The following BBS9 variants were observed in gnomAD, a reference collection of about 807,000 sequenced individuals.
The protein encoded by BBS9 is protein PTHB1.
Under a neutral mutation model 117.7 loss-of-function variants are expected in BBS9, and 89 were observed. The ratio of observed to expected loss-of-function variants is 0.76; its 90% CI spans 0.64 to 0.90. The LOEUF is 0.90. Among genes scored for constraint, BBS9 ranks in the 40% least tolerant of loss-of-function variants. The probability of loss-of-function intolerance (pLI) is 0.00; values close to 1 mark genes in which losing one functional copy is unlikely to be tolerated. For missense variants in BBS9, 982 were observed against 1,042.2 expected, an observed-to-expected ratio of 0.94 and a Z score of 0.80; for synonymous variants, 379 against 370.9, an observed-to-expected ratio of 1.02 and a Z score of -0.25.
intron 7 of BBS9, among the ~76,000 whole-genome samples, chr7:33,271,096 A>G (rs937159448): frequency 6.6e-5 from 10 of 152,212 alleles, no homozygotes; most frequent in Non-Finnish European, 1.3e-4. Context: ...CAAGAATGTC[A>G]TATCCAGCCA....
rs527998308 is a variant in BBS9 at position 33,334,008 on chromosome 7, G to C, written c.1017-2433G>C. Among the ~76,000 whole-genome samples the C allele has an allele frequency of 2.0e-5, 3 of 152,212 alleles. No homozygotes were observed. The South Asian group carries it at 6.2e-4, about 32-fold the overall frequency. ...ACATTCTGGTGAAATTTGTTCTTTT[G>C]GTGAGGGAAGACCCTGGCTACTCTC... On this transcript the variant is annotated intron_variant, in intron 9 of 22. Coordinates refer to ENST00000242067, the MANE Select transcript of BBS9 (RefSeq NM_198428.3).
Position 33,603,140 on chromosome 7 carries a change from T to C in BBS9, c.2522-1725T>C, listed in dbSNP as rs145782791. On this transcript the variant is annotated intron_variant, in intron 21 of 22. Coordinates refer to ENST00000242067, the MANE Select transcript of BBS9 (RefSeq NM_198428.3). ...TCTCATCTGTTGGCTGGGGGACGTCTCTTCCTTGCTCCTGAAGTTGTCTTG... is the reference window on the plus strand; with the variant it reads ...TCTCATCTGTTGGCTGGGGGACGTCCCTTCCTTGCTCCTGAAGTTGTCTTG... Among the ~76,000 whole-genome samples the C allele has an allele frequency of 2.3e-3, 349 of 152,282 alleles. 2 individuals are homozygous for C. Among genetic ancestry groups the C allele is most frequent in the African/African-American group, 7.6e-3 (315 of 41,564 alleles).
chr7:33,607,609 G>T (rs970515295), downstream of BBS9, among the ~76,000 whole-genome samples: 8 of 151,866 alleles, frequency 5.3e-5, no homozygotes, highest in Admixed American at 2.6e-4. Flanking sequence ...TAACAATTCT[G>T]CATTTTCTTG....
chr7:33,360,006 A>C (rs1820330031), intron 16 of BBS9, among the ~76,000 whole-genome samples: 1 of 152,212 alleles, frequency 6.6e-6, no homozygotes, highest in South Asian at 2.1e-4. Context: ...ATTTATCCCC[A>C]AAAAGAATTT....
At chr7:33,602,353 C>T (rs1863925020) in intron 21 of BBS9, among the ~76,000 whole-genome samples, 1 of 152,216 alleles carries the variant, frequency 6.6e-6, no homozygotes, top group South Asian at 2.1e-4. Context: ...CCAGAGCCCA[C>T]CAACATTGTT....
At chr7:33,516,738 T>C (rs1310712016) in intron 20 of BBS9, among the ~76,000 whole-genome samples, 1 of 152,154 alleles carries the variant, frequency 6.6e-6, no homozygotes, top group African/African-American at 2.4e-5. Context: ...GAGAAAGCCA[T>C]GTATAAACAG....
At chr7:33,350,504 C>T (rs1308967540) in intron 13 of BBS9, among the ~76,000 whole-genome samples, 2 of 152,188 alleles carry the variant, frequency 1.3e-5, no homozygotes, top group Non-Finnish European at 2.9e-5. Flanking sequence ...CACGCACAAT[C>T]TGTTAAGTGG....
At chr7:33,287,845 A>G (rs994094786) in intron 9 of BBS9, among the ~76,000 whole-genome samples, 9 of 152,156 alleles carry the variant, frequency 5.9e-5, no homozygotes, top group African/African-American at 2.2e-4. Flanking sequence ...GAGAGAGGAG[A>G]AAGGAAGAAA....
At chr7:33,589,032 C>T (rs537633623) in intron 21 of BBS9, among the ~76,000 whole-genome samples, 94 of 152,162 alleles carry the variant, frequency 6.2e-4, no homozygotes, top group African/African-American at 1.9e-3. Flanking sequence ...AAAACGATCA[C>T]GGGTTACTCT....
chr7:33,592,068 A>T lies in BBS9; in HGVS notation c.2522-12797A>T, dbSNP rs2129180613. 2.0e-5 allele frequency among the ~76,000 whole-genome samples: 3 copies of T among 152,220 alleles called. No homozygotes were observed. In the South Asian group the frequency reaches 6.2e-4, roughly 32 times the overall value. The stretch of plus-strand genomic sequence containing the variant: ...CACTGAGTTCAGCTATGAACATTCC[A>T]CCACTGGTCTACTTACTCCATCCTC... On this transcript the variant is annotated intron_variant, in intron 21 of 22. Coordinates refer to ENST00000242067, the MANE Select transcript of BBS9 (RefSeq NM_198428.3).
intron 1 of BBS9, among the ~76,000 whole-genome samples, chr7:33,134,888 ACCTGGC>A (rs1341940185): frequency 1.3e-5 from 2 of 152,080 alleles, no homozygotes; most frequent in African/African-American, 4.8e-5. Context: ...CAGCCACTGC[ACCTGGC>A]TTTATTTATT....
intron 7 of BBS9, among the ~76,000 whole-genome samples, chr7:33,265,820 G>C (rs1188632850): frequency 1.3e-5 from 2 of 152,046 alleles, no homozygotes; most frequent in African/African-American, 2.4e-5. Flanking sequence ...TCTAGCCTGG[G>C]TGACAGAGCA....
At position 33,545,413 on chromosome 7, in the gene BBS9, G is replaced by C. The variant is rs1034756830; in HGVS notation, c.2521+11237G>C. On this transcript the variant is annotated intron_variant, in intron 21 of 22. Transcript: ENST00000242067. ...CTTCCTCTATCCCTGTATTTTGCTTGGCTCTCTAACTTGACTCAGCTTTAA... is the reference window on the plus strand; with the variant it reads ...CTTCCTCTATCCCTGTATTTTGCTTCGCTCTCTAACTTGACTCAGCTTTAA... Among the ~76,000 whole-genome samples the C allele has an allele frequency of 2.0e-5, 3 of 152,050 alleles. No individual in the cohort carries two copies. In the East Asian group the frequency reaches 5.8e-4, roughly 29 times the overall value.
At chr7:33,568,813 T>C (rs914198112) in intron 21 of BBS9, among the ~76,000 whole-genome samples, 6 of 152,170 alleles carry the variant, frequency 3.9e-5, no homozygotes, top group East Asian at 1.9e-4. Context: ...AAAATATATG[T>C]GTATGTATTT....
chr7:33,415,140 A>G (rs1190215298), intron 19 of BBS9, among the ~76,000 whole-genome samples: 2 of 152,118 alleles, frequency 1.3e-5, no homozygotes, highest in Non-Finnish European at 2.9e-5. Context: ...GGGTAGGAGG[A>G]AAGGATGCAA....
intron 16 of BBS9, among the ~76,000 whole-genome samples, chr7:33,358,355 ATATT>A (rs1485816359): frequency 4.6e-5 from 7 of 151,776 alleles, no homozygotes; most frequent in African/African-American, 1.5e-4. Context: ...AAGTGTATAA[ATATT>A]TATTATTTTC....
chr7:33,525,245 CT>C, intron 20 of BBS9, among the ~76,000 whole-genome samples: 1 of 147,912 alleles, frequency 6.8e-6, no homozygotes, highest in East Asian at 2.0e-4. Flanking sequence ...GTGGAGAGTT[CT>C]GTAGATGTCT....
chr7:33,433,797 A>G (rs576112123), intron 19 of BBS9, among the ~76,000 whole-genome samples: 1 of 152,212 alleles, frequency 6.6e-6, no homozygotes, highest in South Asian at 2.1e-4. Context: ...TATTTTACAG[A>G]TAATCATTAT....
At chr7:33,232,661 ATTTGTGAGATTAATACTAAC>A (rs1562845494) in intron 5 of BBS9, among the ~76,000 whole-genome samples, 1 of 152,164 alleles carries the variant, frequency 6.6e-6, no homozygotes, top group Non-Finnish European at 1.5e-5. Flanking sequence ...TGAATTATCC[ATTTGTGAGATTAATACTAAC>A]TTCCTCATAT....
Sources: gnomAD v4.1 joint callset for allele counts (sites outside exome capture counted in the v4.1 genomes callset) on GRCh38, gnomAD v4.1.1 for gene constraint, MANE v1.5 for transcripts, NCBI Gene and HGNC (gene_info 2026-07-23, HGNC 2026-07-21) for gene names.